Variants in PRKG1 observed in about 807,000 individuals in gnomAD.
The protein encoded by PRKG1 is protein kinase cGMP-dependent 1.
A neutral mutation model predicts 88.1 loss-of-function variants in PRKG1; 35 were observed. That is an observed-to-expected ratio of 0.40 (90% CI 0.30 to 0.53). PRKG1 has a LOEUF of 0.53. Among genes scored for constraint, PRKG1 ranks in the 20% least tolerant of loss-of-function variants. The pLI is 0.59. For missense variants in PRKG1, 540 were observed against 839.8 expected (o/e 0.64, Z 4.41); for synonymous variants, 303 against 292.5 (o/e 1.04, Z -0.37).
chr10:51,196,973 T>C (rs190855378), intron 2 of PRKG1, among the ~76,000 whole-genome samples: 1 of 152,312 alleles, frequency 6.6e-6, no homozygotes, highest in African/African-American at 2.4e-5. Context: ...TCAACCTGTC[T>C]TGACTTTGGC....
At chr10:51,868,481 A>AT (rs1841074147) in intron 4 of PRKG1, among the ~76,000 whole-genome samples, 1 of 152,102 alleles carries the variant, frequency 6.6e-6, no homozygotes, top group Non-Finnish European at 1.5e-5. Context: ...AAATATTACT[A>AT]TTTTCTTAAA....
At chr10:51,822,036 G>A (rs12262614) in intron 4 of PRKG1, among the ~76,000 whole-genome samples, 31,781 of 151,712 alleles carry the variant, frequency 0.21, 5,344 homozygotes, top group African/African-American at 0.47. Context: ...AATAGACAGG[G>A]CATGGAATTA....
chr10:51,624,354 G>C (rs1839282419), intron 3 of PRKG1, among the ~76,000 whole-genome samples: 1 of 152,170 alleles, frequency 6.6e-6, no homozygotes, highest in Admixed American at 6.5e-5. Context: ...GCTCAATTAA[G>C]CTTTCTTTTC....
intron 5 of PRKG1, among the ~76,000 whole-genome samples, chr10:51,923,921 C>G (rs143320701): frequency 1.3e-5 from 2 of 152,042 alleles, no homozygotes; most frequent in East Asian, 3.9e-4. Flanking sequence ...CTCTACCTCC[C>G]AGGCTCAAGC....
rs142404611 is a variant in PRKG1 at position 51,204,481 on chromosome 10, T to C, written c.478+51151T>C. Among the ~76,000 whole-genome samples, 418 of 152,220 alleles carry C rather than the reference T, an allele frequency of 2.7e-3. 3 individuals carry two copies. Among genetic ancestry groups the C allele is most frequent in the Middle Eastern group, 0.014 (4 of 294 alleles). On this transcript the variant is annotated intron_variant, in intron 2 of 17. Coordinates refer to ENST00000373980, the MANE Select transcript of PRKG1 (RefSeq NM_006258.4). ...GCTTGATTACATTTTCCAAATTCTC[T>C]AGTATACTTGTTCTATGCTTTTTGT...
intron 3 of PRKG1, among the ~76,000 whole-genome samples, chr10:51,627,921 C>CCTTTT (rs1839384246): frequency 2.2e-5 from 1 of 44,720 alleles, no homozygotes; most frequent in Non-Finnish European, 6.2e-5. Context: ...CCCTTCCTTC[C>CCTTTT]CTTCCTTTCT....
At chr10:51,999,966 C>T (rs1237280259) in intron 5 of PRKG1, among the ~76,000 whole-genome samples, 1 of 151,924 alleles carries the variant, frequency 6.6e-6, no homozygotes, top group Admixed American at 6.6e-5. Context: ...TTATATTAGT[C>T]CAATAAAAGG....
At chr10:51,403,882 A>G (rs1264297334) in intron 2 of PRKG1, among the ~76,000 whole-genome samples, 1 of 152,234 alleles carries the variant, frequency 6.6e-6, no homozygotes, top group Non-Finnish European at 1.5e-5. Flanking sequence ...AATCTATTTT[A>G]GTTGAAGTAT....
At chr10:52,060,865 A>G (rs1293063649) in intron 6 of PRKG1, among the ~76,000 whole-genome samples, 1 of 152,016 alleles carries the variant, frequency 6.6e-6, no homozygotes, top group East Asian at 1.9e-4. Context: ...AACACAGTTA[A>G]TAGCACCATA....
intron 3 of PRKG1, among the ~76,000 whole-genome samples, chr10:51,722,575 A>G (rs540860041): frequency 6.6e-6 from 1 of 152,222 alleles, no homozygotes; most frequent in East Asian, 1.9e-4. Context: ...AGCTGTGCCT[A>G]TTTTATGTAT....
intron 2 of PRKG1, among the ~76,000 whole-genome samples, chr10:51,429,567 G>T (rs1194046149): frequency 6.6e-5 from 10 of 152,004 alleles, no homozygotes; most frequent in Non-Finnish European, 1.3e-4. Context: ...AGAACTAAAA[G>T]AAATCATGTT....
chr10:51,681,610 A>G (rs1357298105), intron 3 of PRKG1, among the ~76,000 whole-genome samples: 1 of 152,170 alleles, frequency 6.6e-6, no homozygotes, highest in Non-Finnish European at 1.5e-5. Flanking sequence ...TTCCCAAGTA[A>G]TGGTAAAATA....
chr10:51,958,135 A>T (rs1250176089), intron 5 of PRKG1, among the ~76,000 whole-genome samples: 1 of 152,172 alleles, frequency 6.6e-6, no homozygotes, highest in Admixed American at 6.5e-5. Flanking sequence ...GTTCCCTGGA[A>T]TGAAAATGTA....
chr10:51,575,535 C>A (rs528106794), intron 3 of PRKG1, among the ~76,000 whole-genome samples: 27 of 151,928 alleles, frequency 1.8e-4, no homozygotes, highest in African/African-American at 6.3e-4. Context: ...GGTGGGAAGA[C>A]CTGATTCTTC....
At chr10:51,869,160 CCTTT>C (rs1454830892) in intron 4 of PRKG1, among the ~76,000 whole-genome samples, 1 of 152,140 alleles carries the variant, frequency 6.6e-6, no homozygotes, top group Admixed American at 6.6e-5. Flanking sequence ...TGCGATTGCA[CCTTT>C]CTTAGTTTAG....
chr10:51,361,949 C>T (rs1222270560), intron 2 of PRKG1, among the ~76,000 whole-genome samples: 1 of 151,658 alleles, frequency 6.6e-6, no homozygotes, highest in African/African-American at 2.4e-5. Flanking sequence ...ATTTAGAAAT[C>T]TTAGATCTGT....
intron 1 of PRKG1, among the ~76,000 whole-genome samples, chr10:51,123,681 A>G (rs1269084870): frequency 1.6e-5 from 2 of 127,406 alleles, no homozygotes; most frequent in African/African-American, 5.3e-5. Flanking sequence ...CAACAGATCG[A>G]GACTCCATCT....
intron 3 of PRKG1, among the ~76,000 whole-genome samples, chr10:51,655,128 T>A (rs1840131895): frequency 6.6e-6 from 1 of 152,194 alleles, no homozygotes; most frequent in Non-Finnish European, 1.5e-5. Flanking sequence ...ATGCCCAGTA[T>A]CTAAACTAAA....
intron 1 of PRKG1, among the ~76,000 whole-genome samples, chr10:51,066,801 C>A (rs749576497): frequency 6.6e-6 from 1 of 152,048 alleles, no homozygotes; most frequent in Non-Finnish European, 1.5e-5. Context: ...TTTTCTCAAT[C>A]TCTCCCAAAC....
Sources: gnomAD v4.1 joint callset for allele counts (sites outside exome capture counted in the v4.1 genomes callset) on GRCh38, gnomAD v4.1.1 for gene constraint, MANE v1.5 for transcripts, NCBI Gene and HGNC (gene_info 2026-07-23, HGNC 2026-07-21) for gene names.